Variants in JMJD1C observed in about 807,000 individuals in gnomAD.
JMJD1C encodes the protein jumonji domain containing 1C.
JMJD1C carries 31 observed loss-of-function variants against 245.3 expected under a neutral mutation model. The observed-to-expected ratio is 0.13, with a 90% confidence interval of 0.09 to 0.17. JMJD1C has a LOEUF of 0.17. Ranked by LOEUF, JMJD1C falls within the 10% of genes least tolerant of loss-of-function variation. The pLI is 1.00. For missense variants in JMJD1C, 2,691 were observed against 3,000.2 expected (o/e 0.90, Z 2.41); for synonymous variants, 1,057 against 1,017.4 (o/e 1.04, Z -0.74).
chr10:63,357,427 T>C (rs1944939740), intron 2 of JMJD1C, among the ~76,000 whole-genome samples: 1 of 152,158 alleles, frequency 6.6e-6, no homozygotes, highest in Non-Finnish European at 1.5e-5. Flanking sequence ...TGACTCAGCT[T>C]CCTCAGTAGC....
At chr10:63,193,562 G>C in intron 14 of JMJD1C, 90 bp from the exon 15 acceptor site, 1 of 772,442 alleles carries the variant, frequency 1.3e-6, no homozygotes, top group Non-Finnish European at 1.9e-6. Context: ...TATTATAATT[G>C]GGAATAACGG....
At chr10:63,475,342 C>CTT (rs1158680353) in intron 1 of JMJD1C, among the ~76,000 whole-genome samples, 1 of 152,162 alleles carries the variant, frequency 6.6e-6, no homozygotes, top group African/African-American at 2.4e-5. Flanking sequence ...ATTTGGTCTA[C>CTT]ATTATCACCA....
chr10:63,202,289 T>A (rs1168614231), intron 10 of JMJD1C: 1 of 984,236 alleles, frequency 1.0e-6, no homozygotes, highest in Non-Finnish European at 1.2e-6. Flanking sequence ...TATGTTAGGA[T>A]CAGCAATTAG....
chr10:63,387,629 ATTTTTTT>A (rs71025169), intron 1 of JMJD1C, among the ~76,000 whole-genome samples: 4 of 37,840 alleles, frequency 1.1e-4, no homozygotes, highest in African/African-American at 4.8e-4. Context: ...GAAAAAAAAA[ATTTTTTT>A]TTTTTTTTTT....
Position 63,189,290 on chromosome 10 carries a change from T to G in JMJD1C, c.6448A>C (p.Asn2150His). Reference sequence around the variant, plus strand: ...GGTATATCACTGTATAATTTATTATTTTCATCCACTGCAGATATTATGCTT... The same window carrying G: ...GGTATATCACTGTATAATTTATTATGTTCATCCACTGCAGATATTATGCTT... ...EESIISAVDE[N>H]NKLYSDIPHS... is the part of the protein sequence containing the mutation. Residue 2150 changes from asparagine (N) to histidine (H), a missense_variant, in exon 18 of 26, where the codon AAT becomes CAT. Physicochemically the swap from Asn to His is moderately conservative, Grantham distance 68. Coordinates refer to ENST00000399262, the MANE Select transcript of JMJD1C (RefSeq NM_032776.3). 6.2e-7 allele frequency: 1 copy of G among 1,613,794 alleles called. No individual in the cohort carries two copies. Among genetic ancestry groups the G allele is most frequent in the Non-Finnish European group, 8.5e-7 (1 of 1,179,790 alleles).
At chr10:63,223,659 A>C (rs756444102) in intron 3 of JMJD1C, among the ~76,000 whole-genome samples, 3 of 152,232 alleles carry the variant, frequency 2.0e-5, no homozygotes, top group Non-Finnish European at 4.4e-5. Flanking sequence ...GGTTAAAATA[A>C]TGGGCTATAA....
intron 2 of JMJD1C, among the ~76,000 whole-genome samples, chr10:63,365,313 G>C (rs187182726): frequency 2.6e-5 from 4 of 152,164 alleles, no homozygotes. Flanking sequence ...TATACCTCCT[G>C]AACACAAAAA....
intron 3 of JMJD1C, among the ~76,000 whole-genome samples, chr10:63,246,628 CA>C (rs995900278): frequency 2.6e-5 from 4 of 151,094 alleles, no homozygotes; most frequent in Non-Finnish European, 4.4e-5. Context: ...AAATAATGTA[CA>C]AAAAAGAAAA....
In JMJD1C at chr10:63,303,960, G is replaced by A. The variant is rs376068758; in HGVS notation, c.334-39196C>T. On this transcript the variant is annotated intron_variant, in intron 2 of 25. Coordinates refer to ENST00000399262, the MANE Select transcript of JMJD1C (RefSeq NM_032776.3). ...ATAATAGTTTCAGAAGGAATAGTAA[G>A]GATATCCCTGAGAAGCCAGTGTCTG... Among the ~76,000 whole-genome samples the A allele has an allele frequency of 9.9e-5, 15 of 152,184 alleles. No individual in the cohort carries two copies. The South Asian group carries it at 3.1e-3, about 32-fold the overall frequency.
chr10:63,427,491 G>T, intron 1 of JMJD1C: 1 of 1,277,410 alleles, frequency 7.8e-7, no homozygotes, highest in South Asian at 1.2e-5. Flanking sequence ...TGTCCCACTG[G>T]GCCAAGCAAC....
chr10:63,465,371 A>G (rs2393979), intron 1 of JMJD1C, 124 bp downstream of exon 1: 1,035,397 of 1,039,094 alleles, frequency 1, 515,947 homozygotes, highest in East Asian at 1. Context: ...CCAAGGGTTC[A>G]GCAGAGGGGC....
intron 1 of JMJD1C, among the ~76,000 whole-genome samples, chr10:63,408,704 T>C (rs1222091075): frequency 6.6e-6 from 1 of 150,746 alleles, no homozygotes; most frequent in Non-Finnish European, 1.5e-5. Flanking sequence ...ATATCCTAAA[T>C]GTAGGGTGGT....
chr10:63,173,672 T>A (rs1358565835), intron 24 of JMJD1C, among the ~76,000 whole-genome samples: 1 of 151,982 alleles, frequency 6.6e-6, no homozygotes, highest in Non-Finnish European at 1.5e-5. Flanking sequence ...CAGTGAGCTA[T>A]GACTGTGCCA....
chr10:63,183,098 T>A (rs1006369663), intron 22 of JMJD1C, among the ~76,000 whole-genome samples: 1 of 152,164 alleles, frequency 6.6e-6, no homozygotes, highest in African/African-American at 2.4e-5. Context: ...TGACCTCCAG[T>A]GATTCACCTG....
intron 24 of JMJD1C, among the ~76,000 whole-genome samples, chr10:63,173,297 A>C (rs2132767939): frequency 6.6e-6 from 1 of 152,356 alleles, no homozygotes; most frequent in East Asian, 1.9e-4. Context: ...CAAATGTAGG[A>C]CCTCAAACTA....
chr10:63,231,249 TTTGA>T (rs1309927453), intron 3 of JMJD1C, among the ~76,000 whole-genome samples: 1 of 152,220 alleles, frequency 6.6e-6, no homozygotes, highest in African/African-American at 2.4e-5. Flanking sequence ...CTGTGATTAC[TTTGA>T]TTTTCTAAAT....
chr10:63,346,281 A>C (rs1195625103), intron 2 of JMJD1C, among the ~76,000 whole-genome samples: 2 of 152,210 alleles, frequency 1.3e-5, no homozygotes, highest in East Asian at 3.9e-4. Context: ...GCTGAGAAGC[A>C]ACTAAAATAA....
In JMJD1C at chr10:63,456,250, A is replaced by G. The variant is rs531223683; in HGVS notation, c.168+9245T>C. Among the ~76,000 whole-genome samples, 3 of 152,208 alleles carry G rather than the reference A, an allele frequency of 2.0e-5. No homozygotes were observed. The South Asian group carries it at 6.2e-4, about 32-fold the overall frequency. On this transcript the variant is annotated intron_variant, in intron 1 of 25. Coordinates refer to ENST00000399262, the MANE Select transcript of JMJD1C (RefSeq NM_032776.3). ...GCGAACAGTGGAAACGCTCTAAAAT[A>G]GGCTCTACATAGTTTTATCAATGTG...
chr10:63,203,759 G>C (rs1846287851), intron 10 of JMJD1C: 1 of 966,786 alleles, frequency 1.0e-6, no homozygotes, highest in African/African-American at 1.8e-5. Context: ...AATGTACTAA[G>C]AAACACACTA....
Sources: allele counts gnomAD v4.1 joint callset (sites outside exome capture counted in the v4.1 genomes callset), GRCh38; gene constraint gnomAD v4.1.1; transcripts MANE v1.5; gene names NCBI Gene and HGNC (gene_info 2026-07-23, HGNC 2026-07-21).